Variants in PPM1L observed in about 807,000 individuals in gnomAD.
PPM1L encodes protein phosphatase, Mg2+/Mn2+ dependent 1L.
PPM1L carries 13 observed loss-of-function variants against 31.4 expected under a neutral mutation model. The ratio of observed to expected loss-of-function variants is 0.41; its 90% confidence interval spans 0.27 to 0.66. The LOEUF is 0.66. PPM1L is among the 30% of genes least tolerant of loss of function. The probability of loss-of-function intolerance (pLI) is 0.29; values close to 1 mark genes in which losing one functional copy is unlikely to be tolerated. For synonymous variants in PPM1L, 184 were observed against 175.4 expected (o/e 1.05, Z -0.39); for missense variants, 326 against 453.7 (o/e 0.72, Z 2.56).
intron 2 of PPM1L, among the ~76,000 whole-genome samples, chr3:161,011,533 G>C (rs151114122): frequency 1.5e-4 from 23 of 151,726 alleles, no homozygotes; most frequent in African/African-American, 5.6e-4. Context: ...CTTTAAAGTA[G>C]TTTTTTCCAA....
At chr3:160,905,333 T>C (rs1576703675) in intron 1 of PPM1L, among the ~76,000 whole-genome samples, 2 of 152,358 alleles carry the variant, frequency 1.3e-5, no homozygotes, top group East Asian at 3.9e-4. Flanking sequence ...CTCATTATAC[T>C]CTAACCTGAA....
rs1444605731 is a variant in PPM1L, at chr3:161,069,797, C to T, written c.*640C>T. ...CTGCCTGCACAGCAGAGATAACCCT[C>T]TTCCCTTGCTTCCTTTAATAGTTAA... On this transcript the variant is annotated 3_prime_UTR_variant, in exon 4 of 4. Coordinates refer to ENST00000498165, the MANE Select transcript of PPM1L (RefSeq NM_139245.4). 1 of 152,680 alleles carries T rather than the reference C, an allele frequency of 6.5e-6. No homozygotes were observed. The highest frequency in any genetic ancestry group is 1.5e-5 in the Non-Finnish European group (1 of 68,400). The allele number at this position is 152,680 out of a possible 1,614,324, so 9.5% of individuals were successfully genotyped here.
At chr3:160,981,489 T>C in intron 2 of PPM1L, among the ~76,000 whole-genome samples, 1 of 152,126 alleles carries the variant, frequency 6.6e-6, no homozygotes. Flanking sequence ...GCCACAGTCT[T>C]TTATAATGTG....
At chr3:160,944,387 A>G (rs1337492494) in intron 1 of PPM1L, among the ~76,000 whole-genome samples, 1 of 151,628 alleles carries the variant, frequency 6.6e-6, no homozygotes, top group Non-Finnish European at 1.5e-5. Context: ...ATAATGCTTA[A>G]TCACATTTTT....
Position 160,756,656 on chromosome 3 carries a change from C to G in PPM1L, c.348C>G (p.Ala116=), listed in dbSNP as rs146777298. 1,320 of 1,614,018 alleles carry G rather than the reference C, an allele frequency of 8.2e-4. 8 individuals are homozygous for G. The African/African-American group carries it at 0.016, about 20-fold the overall frequency. The part of the protein sequence containing the change: ...EDRFEVLTDL[A]NKTHPSIFGI... Reference sequence around the variant, plus strand: ...GCTTCGAAGTTCTCACGGATCTGGCCAACAAGACGCACCCGTCCATCTTCG... The same window carrying G: ...GCTTCGAAGTTCTCACGGATCTGGCGAACAAGACGCACCCGTCCATCTTCG... Residue 116 remains alanine, a synonymous_variant, in exon 1 of 4, where the codon GCC becomes GCG. Coordinates refer to ENST00000498165, the MANE Select transcript of PPM1L (RefSeq NM_139245.4). This position sits in a 1 kb window ranked among gnomAD's most constrained non-coding sequence, Gnocchi z 6.2.
At chr3:160,988,866 T>A (rs1717043721) in intron 2 of PPM1L, among the ~76,000 whole-genome samples, 1 of 152,184 alleles carries the variant, frequency 6.6e-6, no homozygotes, top group Non-Finnish European at 1.5e-5. Context: ...CCAGGGAATG[T>A]CTATGATTTC....
chr3:160,760,386 T>G, intron 1 of PPM1L, among the ~76,000 whole-genome samples: 1 of 152,228 alleles, frequency 6.6e-6, no homozygotes, highest in East Asian at 1.9e-4. Flanking sequence ...GGACTTTTTA[T>G]GCTGAGGACC....
chr3:161,027,862 A>G (rs1372068791), intron 2 of PPM1L, among the ~76,000 whole-genome samples: 2 of 152,354 alleles, frequency 1.3e-5, no homozygotes, highest in East Asian at 1.9e-4. Context: ...GGTCAAGCTG[A>G]GAAGAAATGA....
chr3:160,958,072 C>T (rs1715838980), intron 1 of PPM1L, among the ~76,000 whole-genome samples: 1 of 152,064 alleles, frequency 6.6e-6, no homozygotes, highest in Non-Finnish European at 1.5e-5. Flanking sequence ...TTGTCAGGTG[C>T]AGAATTTTCA....
In PPM1L at chr3:160,971,720, C is replaced by T. The variant is rs549949925; in HGVS notation, c.574+9810C>T. Among the ~76,000 whole-genome samples, 8 of 152,178 alleles carry T rather than the reference C, an allele frequency of 5.3e-5. No individual in the cohort carries two copies. The South Asian group carries it at 1.5e-3, about 28-fold the overall frequency. On this transcript the variant is annotated intron_variant, in intron 2 of 3. Coordinates refer to ENST00000498165, the MANE Select transcript of PPM1L (RefSeq NM_139245.4). ...CTGTAACTGTGGTTATATGTTGGTG[C>T]CTTATACAGACCAATTCTTGCCTTC...
chr3:160,985,968 C>G (rs1359403899), intron 2 of PPM1L, among the ~76,000 whole-genome samples: 1 of 74,280 alleles, frequency 1.3e-5, no homozygotes, highest in Admixed American at 1.6e-4. Flanking sequence ...TCAGGGAACA[C>G]TCTCCACCCA....
chr3:160,890,048 G>A (rs1448512314), intron 1 of PPM1L, among the ~76,000 whole-genome samples: 1 of 152,148 alleles, frequency 6.6e-6, no homozygotes, highest in African/African-American at 2.4e-5. Flanking sequence ...AATATTTAAT[G>A]GGCAAAAGTT....
At chr3:161,008,870 G>A (rs1353301202) in intron 2 of PPM1L, among the ~76,000 whole-genome samples, 1 of 152,172 alleles carries the variant, frequency 6.6e-6, no homozygotes, top group Non-Finnish European at 1.5e-5. Context: ...AGATATATGA[G>A]TTTTACGCTC....
At chr3:160,987,640 TTGAAAG>T (rs1717006896) in intron 2 of PPM1L, among the ~76,000 whole-genome samples, 1 of 152,108 alleles carries the variant, frequency 6.6e-6, no homozygotes, top group African/African-American at 2.4e-5. Context: ...ACCCAGGCCT[TTGAAAG>T]TGCTTGGGCA....
chr3:160,876,033 C>G (rs1380215695), intron 1 of PPM1L, among the ~76,000 whole-genome samples: 1 of 152,212 alleles, frequency 6.6e-6, no homozygotes, highest in Non-Finnish European at 1.5e-5. Context: ...TCCACCAAAT[C>G]TATTAGGAAG....
chr3:160,917,436 G>A (rs1284198494), intron 1 of PPM1L, among the ~76,000 whole-genome samples: 2 of 151,332 alleles, frequency 1.3e-5, no homozygotes, highest in Admixed American at 1.3e-4. Flanking sequence ...TAATTATCTT[G>A]AATATAACAA....
At position 160,816,305 on chromosome 3, in the gene PPM1L, T is replaced by C. The variant is rs186276426; in HGVS notation, c.399+59598T>C. Reference sequence around the variant, plus strand: ...TGTGTGTGTGTGTGAAACCCATAGATCTCAGGTTAAAGCTTTAAATATTTG... The same window carrying C: ...TGTGTGTGTGTGTGAAACCCATAGACCTCAGGTTAAAGCTTTAAATATTTG... On this transcript the variant is annotated intron_variant, in intron 1 of 3. Transcript: ENST00000498165. Among the ~76,000 whole-genome samples, 521 of 150,986 alleles carry C rather than the reference T, an allele frequency of 3.5e-3. 3 individuals carry two copies. The highest frequency in any genetic ancestry group is 0.012 in the African/African-American group (493 of 40,790).
chr3:160,850,396 G>A (rs1046393012), intron 1 of PPM1L, among the ~76,000 whole-genome samples: 1 of 152,134 alleles, frequency 6.6e-6, no homozygotes, highest in African/African-American at 2.4e-5. Context: ...CCATGTGTTA[G>A]GGAAGCTCTC....
chr3:161,078,146 G>A lies in PPM1L; in HGVS notation c.*8989G>A, dbSNP rs1720168096. On this transcript the variant is annotated 3_prime_UTR_variant, in exon 4 of 4. Coordinates refer to ENST00000498165, the MANE Select transcript of PPM1L (RefSeq NM_139245.4). ...TGAAACCAAGCCAATTTCTGATTTA[G>A]TAAGATTAAAACCATAGATGGAGCT... 3 of 152,148 alleles carry A rather than the reference G, an allele frequency of 2.0e-5. No individual in the cohort carries two copies. In the South Asian group the frequency reaches 6.2e-4, roughly 32 times the overall value. The allele number at this position is 152,148 out of a possible 1,614,324, so 9.4% of individuals were successfully genotyped here.
Sources: allele counts gnomAD v4.1 joint callset (sites outside exome capture counted in the v4.1 genomes callset), GRCh38; gene constraint gnomAD v4.1.1; non-coding constraint Gnocchi (gnomAD v3.1); transcripts MANE v1.5; gene names NCBI Gene and HGNC (gene_info 2026-07-23, HGNC 2026-07-21).